Variants in FYB1 observed in about 807,000 individuals in gnomAD.
The protein encoded by FYB1 is FYN-binding protein 1.
Under a neutral mutation model 94.1 loss-of-function variants are expected in FYB1, and 41 were observed. That is an observed-to-expected ratio of 0.44 (90% CI 0.34 to 0.57). The LOEUF is 0.57. FYB1 is among the 20% of genes least tolerant of loss of function. The probability of loss-of-function intolerance (pLI) is 0.02; values close to 1 mark genes in which losing one functional copy is unlikely to be tolerated. For missense variants in FYB1, 1,050 were observed against 976.8 expected (o/e 1.07, Z -1.00); for synonymous variants, 367 against 353.2 (o/e 1.04, Z -0.44).
intron 1 of FYB1, among the ~76,000 whole-genome samples, chr5:39,260,818 C>T (rs1472183701): frequency 6.6e-6 from 1 of 152,014 alleles, no homozygotes; most frequent in African/African-American, 2.4e-5. Context: ...TGACATGACC[C>T]TGAATGCGTG....
chr5:39,236,854 G>C (rs1750987151), intron 1 of FYB1, among the ~76,000 whole-genome samples: 1 of 152,090 alleles, frequency 6.6e-6, no homozygotes, highest in Non-Finnish European at 1.5e-5. Flanking sequence ...CTATCAAACA[G>C]AGATATTAGC....
intron 2 of FYB1, among the ~76,000 whole-genome samples, chr5:39,178,587 G>C (rs1745935974): frequency 6.6e-6 from 1 of 152,286 alleles, no homozygotes; most frequent in African/African-American, 2.4e-5. Flanking sequence ...AGACTATGAG[G>C]TAATGTGGAG....
At chr5:39,117,817 T>C (rs956631671) in intron 16 of FYB1, among the ~76,000 whole-genome samples, 2 of 152,310 alleles carry the variant, frequency 1.3e-5, no homozygotes, top group African/African-American at 4.8e-5. Flanking sequence ...GAATTACTCT[T>C]CTCGGGATTT....
At chr5:39,234,158 A>G (rs1750860925) in intron 1 of FYB1, among the ~76,000 whole-genome samples, 1 of 152,098 alleles carries the variant, frequency 6.6e-6, no homozygotes, top group South Asian at 2.1e-4. Flanking sequence ...ACCACAGCAC[A>G]TATGTCAGGA....
chr5:39,130,486 AATACAC>A, intron 10 of FYB1, 98 bp downstream of exon 10: 1 of 887,356 alleles, frequency 1.1e-6, no homozygotes, highest in South Asian at 1.4e-5. Context: ...TGACTTGAAC[AATACAC>A]ATTCTATGCA....
At chr5:39,203,357 T>G (rs1211906101) in intron 1 of FYB1, among the ~76,000 whole-genome samples, 1 of 152,206 alleles carries the variant, frequency 6.6e-6, no homozygotes, top group African/African-American at 2.4e-5. Context: ...AAAAAAAGAT[T>G]TCTTCCATAT....
At chr5:39,115,836 C>T (rs955790843) in intron 16 of FYB1, among the ~76,000 whole-genome samples, 5 of 152,162 alleles carry the variant, frequency 3.3e-5, no homozygotes, top group African/African-American at 1.2e-4. Flanking sequence ...AAGTCAGTAA[C>T]ATGCTCCTAG....
chr5:39,248,785 C>T lies in FYB1; in HGVS notation c.-28+25618G>A, dbSNP rs187980469. On this transcript the variant is annotated intron_variant, in intron 1 of 1. Coordinates refer to the FYB1 transcript ENST00000510188. ...CAGGGAGGTGGTTTTTGCAGCGAGC[C>T]GAGATCATGCCACTGAACTCCAGCC... 2.7e-3 allele frequency among the ~76,000 whole-genome samples: 417 copies of T among 152,040 alleles called. 1 individual carries two copies. Among genetic ancestry groups the T allele is most frequent in the South Asian group, 3.9e-3 (19 of 4,818 alleles).
At chr5:39,186,580 T>C (rs1169446026) in intron 2 of FYB1, among the ~76,000 whole-genome samples, 2 of 148,926 alleles carry the variant, frequency 1.3e-5, no homozygotes, top group Non-Finnish European at 3.0e-5. Context: ...ATAATGAAAA[T>C]CTTTATGTTA....
chr5:39,261,337 G>GACACACAC (rs57277521), intron 1 of FYB1, among the ~76,000 whole-genome samples: 6,838 of 133,744 alleles, frequency 0.051, 253 homozygotes, highest in South Asian at 0.086. Context: ...TGTAGATTAA[G>GACACACAC]ACACACACAC....
intron 2 of FYB1, among the ~76,000 whole-genome samples, chr5:39,200,999 T>G (rs1406384996): frequency 6.6e-6 from 1 of 152,206 alleles, no homozygotes; most frequent in Non-Finnish European, 1.5e-5. Context: ...GGTAGAAATT[T>G]AAACTATTTA....
rs1477519063 is a variant in FYB1, at chr5:39,119,563, T to G, written c.2210A>C (p.Glu737Ala). 6.5e-7 allele frequency: 1 copy of G among 1,546,370 alleles called. No individual in the cohort carries two copies. Among genetic ancestry groups the G allele is most frequent in the Non-Finnish European group, 8.7e-7 (1 of 1,144,914 alleles). The change falls in exon 15 of 19, where the codon GAA (glutamate) becomes GCA (alanine). Residue 737 changes from glutamate (E) to alanine (A), a missense_variant. Coordinates refer to ENST00000512982, the MANE Select transcript of FYB1 (RefSeq NM_001465.6). ...DLKKLKKQEK[E>A]EKDFRKKFKY... is the part of the protein sequence containing the mutation. ...AAATTTTTTCCTGAAGTCTTTTTCTTCTTTTTCCTGCTTTTTTAGCTTCTT... is the reference window on the plus strand; with the variant it reads ...AAATTTTTTCCTGAAGTCTTTTTCTGCTTTTTCCTGCTTTTTTAGCTTCTT...
chr5:39,167,297 TG>T (rs1744829047), intron 2 of FYB1, among the ~76,000 whole-genome samples: 1 of 152,120 alleles, frequency 6.6e-6, no homozygotes, highest in South Asian at 2.1e-4. Context: ...CCCTTGTTTT[TG>T]TTTTTGTTTT....
At chr5:39,238,685 A>T (rs1451007476) in intron 1 of FYB1, among the ~76,000 whole-genome samples, 2 of 152,150 alleles carry the variant, frequency 1.3e-5, no homozygotes, top group South Asian at 2.1e-4. Flanking sequence ...CCAGCATCAA[A>T]TCAGCACAAA....
rs899397798 is a variant in FYB1 at position 39,219,444 on chromosome 5, T to A, written c.-29A>T. 1.0e-6 allele frequency: 1 copy of A among 985,424 alleles called. No homozygotes were observed. Among genetic ancestry groups the A allele is most frequent in the African/African-American group, 1.7e-5 (1 of 57,258 alleles). 61.0% of individuals were successfully genotyped at this position (985,424 alleles called of 1,614,324 possible). On this transcript the variant is annotated splice_region_variant and 5_prime_UTR_variant, in exon 1 of 19. Transcript: ENST00000512982. The stretch of plus-strand genomic sequence containing the variant: ...AAGAAACCTAGGCATAGCTGTTACC[T>A]GACTCCTGCAGAAGAAGGCGGAAGG...
chr5:39,108,316 G>A, intron 17 of FYB1, 54 bp from the exon 18 acceptor site: 1 of 1,421,426 alleles, frequency 7.0e-7, no homozygotes, highest in South Asian at 1.3e-5. Flanking sequence ...CTTGGCATTA[G>A]AGCAATATAT....
At chr5:39,221,393 A>G (rs934140815), upstream of FYB1, among the ~76,000 whole-genome samples, 1 of 152,226 alleles carries the variant, frequency 6.6e-6, no homozygotes, top group Non-Finnish European at 1.5e-5. Context: ...CAGACATTTA[A>G]CTTTTAAAAA....
At chr5:39,135,909 C>A (rs1484163036) in intron 7 of FYB1, among the ~76,000 whole-genome samples, 1 of 151,862 alleles carries the variant, frequency 6.6e-6, no homozygotes, top group Non-Finnish European at 1.5e-5. Context: ...CTTTTGAGTT[C>A]ATATTTAATG....
At chr5:39,177,927 G>C (rs1308666019) in intron 2 of FYB1, among the ~76,000 whole-genome samples, 5 of 152,168 alleles carry the variant, frequency 3.3e-5, no homozygotes, top group Admixed American at 6.5e-5. Flanking sequence ...TTAAGATTTA[G>C]AACAATGACT....
Sources: gnomAD v4.1 joint callset for allele counts (sites outside exome capture counted in the v4.1 genomes callset) on GRCh38, gnomAD v4.1.1 for gene constraint, MANE v1.5 for transcripts, NCBI Gene and HGNC (gene_info 2026-07-23, HGNC 2026-07-21) for gene names.